Variants in GAA observed in about 807,000 individuals in gnomAD.
GAA encodes the protein lysosomal alpha-glucosidase.
GAA carries 88 observed loss-of-function variants against 103.9 expected under a neutral mutation model. The observed-to-expected ratio is 0.85, with a 90% CI of 0.71 to 1.01. The LOEUF is 1.01. Ranked by LOEUF, GAA falls within the 50% of genes least tolerant of loss-of-function variation. The probability of loss-of-function intolerance (pLI) is 0.00; values close to 1 mark genes in which losing one functional copy is unlikely to be tolerated. For missense variants in GAA, 1,350 were observed against 1,305.3 expected, an observed-to-expected ratio of 1.03 and a Z score of -0.53; for synonymous variants, 572 against 563.1, an observed-to-expected ratio of 1.02 and a Z score of -0.22.
chr17:80,106,366 C>T (rs976627576), intron 3 of GAA, among the ~76,000 whole-genome samples: 4 of 152,242 alleles, frequency 2.6e-5, no homozygotes, highest in South Asian at 2.1e-4. Context: ...GCAGAGAGCA[C>T]GCTAGAAGCC....
At chr17:80,117,517 C>CTA in intron 16 of GAA, 83 bp from the exon 17 acceptor site, 4 of 1,524,470 alleles carry the variant, frequency 2.6e-6, no homozygotes, top group Non-Finnish European at 2.7e-6. Context: ...CGTGGAGCCC[C>CTA]GGGAGATGGA....
chr17:80,105,970 G>A (rs866188057), intron 3 of GAA, 76 bp downstream of exon 3: 52 of 1,511,374 alleles, frequency 3.4e-5, no homozygotes, highest in Middle Eastern at 4.9e-4. Context: ...GGCCACACGC[G>A]TTTGTTTCTC....
intron 9 of GAA, 149 bp downstream of exon 9, chr17:80,110,204 A>T: frequency 3.1e-6 from 2 of 653,388 alleles, no homozygotes; most frequent in Non-Finnish European, 5.4e-6. Context: ...GCCCGTGACG[A>T]TGGTGGCTCC....
At chr17:80,106,492 TC>T (rs2039092292) in intron 3 of GAA, among the ~76,000 whole-genome samples, 1 of 149,906 alleles carries the variant, frequency 6.7e-6, no homozygotes, top group African/African-American at 2.5e-5. Flanking sequence ...AGGGGTGGCC[TC>T]TCTGGAAGCC....
chr17:80,114,265 G>A (rs191813606), intron 15 of GAA, among the ~76,000 whole-genome samples: 199 of 152,270 alleles, frequency 1.3e-3, no homozygotes, highest in Non-Finnish European at 2.2e-3. Context: ...GAACTCATAC[G>A]TTGGTAAGAC....
At position 80,108,578 on chromosome 17, in the gene GAA, G is replaced by A. The variant is rs749186162; in HGVS notation, c.1165G>A (p.Glu389Lys). Residue 389 changes from glutamate (E) to lysine (K), a missense_variant, in exon 7 of 20, where the codon GAG (glutamate) becomes AAG (lysine). Transcript: ENST00000302262. ...SSTAITRQVVENMTRAHFPLD... is the reference protein window; with the variant it reads ...SSTAITRQVVKNMTRAHFPLD... ...CACCGCTATCACCCGCCAGGTGGTG[G>A]AGAACATGACCAGGGCCCACTTCCC... is the stretch of plus-strand genomic sequence containing the variant. The A allele has an allele frequency of 1.9e-6, 3 of 1,612,896 alleles. No homozygotes were observed. The highest frequency in any genetic ancestry group is 4.5e-5 in the East Asian group (2 of 44,868).
At position 80,112,062 on chromosome 17, in the gene GAA, C is replaced by A. The variant is rs772962666; in HGVS notation, c.1716C>A (p.His572Gln). The change falls in exon 12 of 20, where the codon CAC (histidine) becomes CAA (glutamine). Residue 572 changes from histidine to glutamine, a missense_variant. Transcript: ENST00000302262. ...HQFLSTHYNL[H>Q]NLYGLTEAIA... ...TTCTCTCCACACACTACAACCTGCA[C>A]AACCTCTACGGCCTGACCGAAGCCA... 1 of 1,614,092 alleles carries A rather than the reference C, an allele frequency of 6.2e-7. No individual in the cohort carries two copies. The highest frequency in any genetic ancestry group is 1.1e-5 in the South Asian group (1 of 91,092).
intron 14 of GAA, 31 bp from the exon 15 acceptor site, chr17:80,113,187 A>C: frequency 6.4e-7 from 1 of 1,574,344 alleles, no homozygotes; most frequent in Non-Finnish European, 8.6e-7. Context: ...CCAGCACCCA[A>C]GTGCTTCCTT....
intron 16 of GAA, 77 bp from the exon 17 acceptor site, chr17:80,117,523 A>G (rs2039381927): frequency 6.5e-7 from 1 of 1,545,618 alleles, no homozygotes; most frequent in Non-Finnish European, 8.9e-7. Context: ...GCCCCGGGAG[A>G]TGGAGAGCGT....
chr17:80,116,990 T>C lies in GAA; in HGVS notation c.2212T>C (p.Trp738Arg). The change falls in exon 16 of 20, where the codon TGG becomes CGG. Residue 738 changes from tryptophan (W) to arginine (R), a missense_variant. Trp to Arg is a moderately radical substitution (Grantham distance 101). Transcript: ENST00000302262. ...FLEFPKDSST[W>R]TVDHQLLWGE... ...CAGGTTCCCCAAGGACTCTAGCACC[T>C]GGACTGTGGACCACCAGCTCCTGTG... 1.9e-6 allele frequency: 3 copies of C among 1,613,786 alleles called. No individual in the cohort carries two copies. Among genetic ancestry groups the C allele is most frequent in the Non-Finnish European group, 2.5e-6 (3 of 1,180,034 alleles).
In GAA at chr17:80,119,335, G is replaced by A. The variant is rs941894954; in HGVS notation, c.*4G>A. The stretch of plus-strand genomic sequence containing the variant: ...GTTTCTCGTCAGCTGGTGTTAGCCG[G>A]GCGGAGTGTGTTAGTCTCTCCAGAG... On this transcript the variant is annotated 3_prime_UTR_variant, in exon 20 of 20. Transcript: ENST00000302262. The A allele has an allele frequency of 1.9e-6, 3 of 1,613,326 alleles. No individual in the cohort carries two copies. The highest frequency in any genetic ancestry group is 2.7e-5 in the African/African-American group (2 of 74,878).
chr17:80,115,870 G>A (rs942785829), intron 15 of GAA, among the ~76,000 whole-genome samples: 8 of 152,324 alleles, frequency 5.3e-5, no homozygotes, highest in African/African-American at 9.6e-5. Context: ...GATGGCATCC[G>A]TGAGTCTCCC....
rs779738793 is a variant in GAA at position 80,118,180 on chromosome 17, C to T, written c.2482-13C>T. On this transcript the variant is annotated splice_polypyrimidine_tract_variant and intron_variant, in intron 17 of 19. Coordinates refer to ENST00000302262, the MANE Select transcript of GAA (RefSeq NM_000152.5). Reference sequence around the variant, plus strand: ...GGTGGGGATGATGACATCACGTGTCCTTCCCTTTCCAGGGCCCTGGCCTCA... The same window carrying T: ...GGTGGGGATGATGACATCACGTGTCTTTCCCTTTCCAGGGCCCTGGCCTCA... 2 of 1,612,740 alleles carry T rather than the reference C, an allele frequency of 1.2e-6. No homozygotes were observed. Among genetic ancestry groups the T allele is most frequent in the Non-Finnish European group, 1.7e-6 (2 of 1,179,764 alleles).
chr17:80,112,674 G>T lies in GAA; in HGVS notation c.1851G>T (p.Val617=). Residue 617 remains valine, a synonymous_variant, in exon 13 of 20, where the codon GTG becomes GTT. Coordinates refer to ENST00000302262, the MANE Select transcript of GAA (RefSeq NM_000152.5). The part of the protein sequence containing the change: ...GRYAGHWTGD[V]WSSWEQLASS... ...ACGCCGGCCACTGGACGGGGGACGT[G>T]TGGAGCTCCTGGGAGCAGCTCGCCT... The T allele has an allele frequency of 6.2e-7, 1 of 1,611,842 alleles. No individual in the cohort carries two copies. Among genetic ancestry groups the T allele is most frequent in the East Asian group, 2.2e-5 (1 of 44,814 alleles).
intron 16 of GAA, 89 bp from the exon 17 acceptor site, chr17:80,117,507 CGTGG>C: frequency 6.8e-7 from 1 of 1,474,108 alleles, no homozygotes; most frequent in Non-Finnish European, 9.5e-7. Flanking sequence ...TAGGCCTCCA[CGTGG>C]AGCCCCGGGA....
Position 80,119,613 on chromosome 17 carries a change from T to G in GAA, c.*282T>G. 2.3e-6 allele frequency: 1 copy of G among 439,606 alleles called. No homozygotes were observed. 27.2% of individuals were successfully genotyped at this position (439,606 alleles called of 1,614,324 possible). ...TTGTAAGGTTTGCCCTCCTCACCTG[T>G]TGCCGGCATGCGGGTAGTATTAGCC... On this transcript the variant is annotated 3_prime_UTR_variant, in exon 20 of 20. Coordinates refer to ENST00000302262, the MANE Select transcript of GAA (RefSeq NM_000152.5).
Position 80,104,664 on chromosome 17 carries a change from C to T in GAA, c.78C>T (p.Leu26=), listed in dbSNP as rs2143824668. The change falls in exon 2 of 20, where the codon CTC becomes CTT. Residue 26 remains leucine (L), a synonymous_variant. Transcript: ENST00000302262. This position sits in a 1 kb window ranked among gnomAD's most constrained non-coding sequence, Gnocchi z 4.0. Reference sequence around the variant, plus strand: ...TCGTGTCCTTGGCAACCGCTGCACTCCTGGGGCACATCCTACTCCATGATT... The same window carrying T: ...TCGTGTCCTTGGCAACCGCTGCACTTCTGGGGCACATCCTACTCCATGATT... ...CALVSLATAA[L]LGHILLHDFL... The T allele has an allele frequency of 6.2e-7, 1 of 1,613,388 alleles. No individual in the cohort carries two copies. The highest frequency in any genetic ancestry group is 8.5e-7 in the Non-Finnish European group (1 of 1,179,992).
In GAA at chr17:80,104,765, C is replaced by A. The variant is rs1314067837; in HGVS notation, c.179C>A (p.Ala60Asp). The A allele has an allele frequency of 1.9e-6, 3 of 1,611,422 alleles. No homozygotes were observed. The highest frequency in any genetic ancestry group is 2.7e-5 in the African/African-American group (2 of 75,040). ...EETHPAHQQG[A>D]SRPGPRDAQA... ...ACTCACCCAGCTCACCAGCAGGGAG[C>A]CAGCAGACCAGGGCCCCGGGATGCC... The change falls in exon 2 of 20, where the codon GCC becomes GAC. Residue 60 changes from alanine to aspartate, a missense_variant. Physicochemically the swap from Ala to Asp is moderately radical, Grantham distance 126. Transcript: ENST00000302262. The surrounding 1 kb of genome is among the most constrained non-coding windows in gnomAD (Gnocchi z 4.0).
rs1193192045 is a variant in GAA at position 80,118,426 on chromosome 17, TG to T, written c.2646+72del. The T allele has an allele frequency of 6.5e-6, 10 of 1,542,352 alleles. No individual in the cohort carries two copies. In the African/African-American group the frequency reaches 9.5e-5, roughly 15 times the overall value. On this transcript the variant is annotated intron_variant, in intron 18 of 19. Coordinates refer to ENST00000302262, the MANE Select transcript of GAA (RefSeq NM_000152.5). Reference sequence around the variant, plus strand: ...GGGGTTGAGAAGGGGTGAGGGGACCTGGGCTTGGGGGTCCCACGATGGCTAC... The same window carrying T: ...GGGGTTGAGAAGGGGTGAGGGGACCTGGCTTGGGGGTCCCACGATGGCTAC...
Sources: allele counts gnomAD v4.1 joint callset (sites outside exome capture counted in the v4.1 genomes callset), GRCh38; gene constraint gnomAD v4.1.1; non-coding constraint Gnocchi (gnomAD v3.1); transcripts MANE v1.5; gene names NCBI Gene and HGNC (gene_info 2026-07-23, HGNC 2026-07-21).